WBP4: variants seen among roughly 807,000 people sequenced by gnomAD.
WBP4 encodes the protein WW domain-binding protein 4.
WBP4 carries 37 observed loss-of-function variants against 55.4 expected under a neutral mutation model. The observed-to-expected ratio is 0.67, with a 90% CI of 0.51 to 0.88. WBP4 has a LOEUF of 0.88. WBP4 is among the 40% of genes least tolerant of loss of function. The probability of loss-of-function intolerance (pLI) is 0.00; values close to 1 mark genes in which losing one functional copy is unlikely to be tolerated. For missense variants in WBP4, 398 were observed against 420.8 expected (o/e 0.95, Z 0.47); for synonymous variants, 142 against 140.2 (o/e 1.01, Z -0.09).
At position 41,069,388 on chromosome 13, in the gene WBP4, C is replaced by T. The variant is rs77355157; in HGVS notation, c.439+651C>T. Among the ~76,000 whole-genome samples, 98 of 152,112 alleles carry T rather than the reference C, an allele frequency of 6.4e-4. No homozygotes were observed. The East Asian group carries it at 0.012, about 19-fold the overall frequency. On this transcript the variant is annotated intron_variant, in intron 5 of 9. Coordinates refer to ENST00000379487, the MANE Select transcript of WBP4 (RefSeq NM_007187.5). Reference sequence around the variant, plus strand: ...ACTAAAAATACAAAATTAGGCTAGGCGCGGTGGCTCACACCTGTAATCCCA... The same window carrying T: ...ACTAAAAATACAAAATTAGGCTAGGTGCGGTGGCTCACACCTGTAATCCCA...
At position 41,061,568 on chromosome 13, in the gene WBP4, G is replaced by A; in HGVS notation, c.-106G>A. On this transcript the variant is annotated 5_prime_UTR_variant, in exon 1 of 10. Transcript: ENST00000379487. ...CTGAGTAAGGTGTCTGGATCGGAGGGAGGTTCGGGTGGGCATCGGGCGGCT... is the reference window on the plus strand; with the variant it reads ...CTGAGTAAGGTGTCTGGATCGGAGGAAGGTTCGGGTGGGCATCGGGCGGCT... 1.3e-6 allele frequency: 2 copies of A among 1,561,472 alleles called. No individual in the cohort carries two copies. The highest frequency in any genetic ancestry group is 8.8e-7 in the Non-Finnish European group (1 of 1,136,856).
chr13:41,075,920 A>G, intron 7 of WBP4, 124 bp from the exon 8 acceptor site: 1 of 1,047,102 alleles, frequency 9.6e-7, no homozygotes, highest in South Asian at 1.6e-5. Flanking sequence ...CTTCTTGATC[A>G]AGAGATAGTA....
At chr13:41,074,231 C>G (rs2138475104) in intron 7 of WBP4, among the ~76,000 whole-genome samples, 1 of 152,256 alleles carries the variant, frequency 6.6e-6, no homozygotes, top group African/African-American at 2.4e-5. Flanking sequence ...GCGCCCGGCC[C>G]TAAAACTTTC....
chr13:41,079,992 A>G (rs138760138), intron 8 of WBP4, among the ~76,000 whole-genome samples: 3 of 150,844 alleles, frequency 2.0e-5, no homozygotes, highest in East Asian at 4.0e-4. Flanking sequence ...GTTCTCACTT[A>G]TAAGTGGGAG....
intron 2 of WBP4, among the ~76,000 whole-genome samples, chr13:41,064,394 A>T (rs1384649374): frequency 2.0e-5 from 3 of 152,164 alleles, no homozygotes; most frequent in African/African-American, 7.2e-5. Context: ...ATATCTATAG[A>T]ATAAATTACC....
At position 41,071,580 on chromosome 13, in the gene WBP4, G is replaced by A. The variant is rs1878247172; in HGVS notation, c.486+7G>A. 4.4e-6 allele frequency: 7 copies of A among 1,607,594 alleles called. No individual in the cohort carries two copies. The highest frequency in any genetic ancestry group is 5.1e-6 in the Non-Finnish European group (6 of 1,176,702). ...TCAAGGAGACTTAAAAAAGGTAATT[G>A]AAGCATATTAATAGTGTTTTTGTTT... is the stretch of plus-strand genomic sequence containing the variant. On this transcript the variant is annotated splice_region_variant and intron_variant, in intron 6 of 9. Transcript: ENST00000379487.
At chr13:41,062,242 T>A in intron 1 of WBP4, 1 of 985,118 alleles carries the variant, frequency 1.0e-6, no homozygotes, top group Non-Finnish European at 1.2e-6. Context: ...AGTAGTCTTG[T>A]ACGTTGTTCT....
In WBP4 at chr13:41,083,019, T is replaced by A; in HGVS notation, c.*105T>A. On this transcript the variant is annotated 3_prime_UTR_variant, in exon 10 of 10. Transcript: ENST00000379487. ...AGTATTATGATGCTAAAAATTTAGA[T>A]TTATTCTAAATGTATTTGATGTGAA... 8 of 1,044,804 alleles carry A rather than the reference T, an allele frequency of 7.7e-6. No homozygotes were observed. The highest frequency in any genetic ancestry group is 1.6e-5 in the South Asian group (1 of 61,106). The allele number at this position is 1,044,804 out of a possible 1,614,324, so 64.7% of individuals were successfully genotyped here. A position where few individuals can be genotyped will look rare whatever the true frequency, so the allele number is the denominator to read the frequency against.
intron 2 of WBP4, among the ~76,000 whole-genome samples, chr13:41,064,011 C>G (rs1877828410): frequency 6.6e-6 from 1 of 151,632 alleles, no homozygotes; most frequent in Non-Finnish European, 1.5e-5. Flanking sequence ...TAATTGCGCT[C>G]ACTCACCAGC....
intron 6 of WBP4, among the ~76,000 whole-genome samples, chr13:41,071,917 G>T (rs932577068): frequency 6.6e-6 from 1 of 151,946 alleles, no homozygotes; most frequent in African/African-American, 2.4e-5. Flanking sequence ...AGTCGCAGTT[G>T]CCTGTAATCC....
intron 2 of WBP4, among the ~76,000 whole-genome samples, chr13:41,064,115 A>G (rs1158775111): frequency 6.6e-6 from 1 of 151,434 alleles, no homozygotes; most frequent in Non-Finnish European, 1.5e-5. Context: ...TTCTACATGC[A>G]TGTAGACACA....
Position 41,083,111 on chromosome 13 carries a change from T to C in WBP4, c.*197T>C, listed in dbSNP as rs1403275148. 1.6e-5 allele frequency: 9 copies of C among 556,420 alleles called. No homozygotes were observed. 34.5% of individuals were successfully genotyped at this position (556,420 alleles called of 1,614,324 possible). On this transcript the variant is annotated 3_prime_UTR_variant, in exon 10 of 10. Coordinates refer to ENST00000379487, the MANE Select transcript of WBP4 (RefSeq NM_007187.5). Reference sequence around the variant, plus strand: ...TAAAATGGAAGCCTACCACATTGCATTGTAATACAGTGTATTATGTTCAGT... The same window carrying C: ...TAAAATGGAAGCCTACCACATTGCACTGTAATACAGTGTATTATGTTCAGT...
At chr13:41,073,607 G>A (rs1878347782) in intron 7 of WBP4, among the ~76,000 whole-genome samples, 1 of 151,832 alleles carries the variant, frequency 6.6e-6, no homozygotes, top group Admixed American at 6.6e-5. Flanking sequence ...CTGAGGTCAG[G>A]AGTTCGAGAC....
intron 2 of WBP4, among the ~76,000 whole-genome samples, chr13:41,063,918 T>C (rs979972171): frequency 6.6e-6 from 1 of 152,128 alleles, no homozygotes; most frequent in Non-Finnish European, 1.5e-5. Context: ...ACAGAACTTA[T>C]TTTGCAGAGC....
chr13:41,067,207 G>T (rs1036637589), intron 4 of WBP4, among the ~76,000 whole-genome samples: 4 of 152,098 alleles, frequency 2.6e-5, no homozygotes, highest in African/African-American at 9.7e-5. Flanking sequence ...ACCTGCCTGG[G>T]CTTCCCAAAG....
chr13:41,064,164 A>G (rs1342973612), intron 2 of WBP4, among the ~76,000 whole-genome samples: 1 of 151,880 alleles, frequency 6.6e-6, no homozygotes, highest in Non-Finnish European at 1.5e-5. Flanking sequence ...AATGTACTGT[A>G]TATATTATTC....
chr13:41,081,551 C>T (rs1878780741), intron 9 of WBP4, among the ~76,000 whole-genome samples: 1 of 147,672 alleles, frequency 6.8e-6, no homozygotes, highest in African/African-American at 2.5e-5. Context: ...GCAAATATTG[C>T]AGCAACTCAA....
At chr13:41,077,839 A>G (rs567566246) in intron 8 of WBP4, among the ~76,000 whole-genome samples, 1 of 152,274 alleles carries the variant, frequency 6.6e-6, no homozygotes, top group African/African-American at 2.4e-5. Context: ...CTGTATACCT[A>G]TATCTATATA....
At chr13:41,079,739 T>G (rs1039973546) in intron 8 of WBP4, among the ~76,000 whole-genome samples, 1 of 152,058 alleles carries the variant, frequency 6.6e-6, no homozygotes, top group Non-Finnish European at 1.5e-5. Context: ...AAGAAATCAT[T>G]AAACAGAAAA....
Sources: gnomAD v4.1 joint callset for allele counts (sites outside exome capture counted in the v4.1 genomes callset) on GRCh38, gnomAD v4.1.1 for gene constraint, MANE v1.5 for transcripts, NCBI Gene and HGNC (gene_info 2026-07-23, HGNC 2026-07-21) for gene names.